The following LEMD3 variants were observed in gnomAD, a reference collection of about 807,000 sequenced individuals.
LEMD3 encodes the protein inner nuclear membrane protein Man1.
In LEMD3, 33 loss-of-function variants were observed where a neutral mutation model predicts 95.2. That is an observed-to-expected ratio of 0.35 (90% CI 0.26 to 0.46). The LOEUF (loss-of-function observed/expected upper bound fraction) is 0.46. LEMD3 is among the 20% of genes least tolerant of loss of function. LEMD3 has a pLI of 1.00. For synonymous variants in LEMD3, 525 were observed against 474.6 expected (o/e 1.11, Z -1.38); for missense variants, 1,210 against 1,192.8 (o/e 1.01, Z -0.21).
rs115202513 is a variant in LEMD3, at chr12:65,204,375, A to G, written c.1523-6551A>G. Among the ~76,000 whole-genome samples the G allele has an allele frequency of 2.8e-3, 431 of 151,980 alleles. 9 individuals are homozygous for G. The highest frequency in any genetic ancestry group is 9.7e-3 in the African/African-American group (401 of 41,458). On this transcript the variant is annotated intron_variant, in intron 1 of 12. Transcript: ENST00000308330. ...GTCCCAGTGTGGGTTTTTCCCCTCCATGTGCCTGTGTGTTCTCATCATTCA... is the reference window on the plus strand; with the variant it reads ...GTCCCAGTGTGGGTTTTTCCCCTCCGTGTGCCTGTGTGTTCTCATCATTCA...
At position 65,210,927 on chromosome 12, in the gene LEMD3, A is replaced by G. The variant is rs566688579; in HGVS notation, c.1524A>G (p.Ile508Met). ...TGVSEDGELSIENPFGETFGK... is the reference protein window; with the variant it reads ...TGVSEDGELSMENPFGETFGK... ...TGTCTTTTTTTCCTTCCTTGATAGT[A>G]GAAAACCCCTTTGGTGAAACATTTG... Residue 508 changes from isoleucine to methionine, a missense_variant and splice_region_variant, in exon 2 of 13, where the codon ATA becomes ATG. This residue lies in a region of LEMD3 where 461 missense variants were observed against 569.8 expected (regional missense o/e 0.81). Transcript: ENST00000308330. The G allele has an allele frequency of 4.4e-6, 7 of 1,592,354 alleles. No individual in the cohort carries two copies. In the East Asian group the frequency reaches 1.3e-4, roughly 31 times the overall value.
chr12:65,197,466 T>C (rs1373831430), intron 1 of LEMD3, among the ~76,000 whole-genome samples: 1 of 152,120 alleles, frequency 6.6e-6, no homozygotes, highest in Admixed American at 6.6e-5. Context: ...GGAAGCATGG[T>C]TTTTACTCTC....
chr12:65,213,722 C>T (rs967536798), intron 2 of LEMD3, among the ~76,000 whole-genome samples: 4 of 152,162 alleles, frequency 2.6e-5, no homozygotes, highest in South Asian at 4.2e-4. Flanking sequence ...AAAGTTTATT[C>T]GCAGGTCCCT....
At chr12:65,227,238 GTTTTC>G (rs1870477480) in intron 4 of LEMD3, among the ~76,000 whole-genome samples, 4 of 152,138 alleles carry the variant, frequency 2.6e-5, no homozygotes, top group Non-Finnish European at 5.9e-5. Flanking sequence ...AATTGAATGG[GTTTTC>G]ACTTCTAGTA....
Position 65,186,255 on chromosome 12 carries a change from G to T in LEMD3, c.1522+15137G>T, listed in dbSNP as rs541725483. On this transcript the variant is annotated intron_variant, in intron 1 of 12. Transcript: ENST00000308330. Reference sequence around the variant, plus strand: ...TACATTTTGCCCGTTGCTTTTTATTGTGAAGAGATACTTATTCATCTAAAT... The same window carrying T: ...TACATTTTGCCCGTTGCTTTTTATTTTGAAGAGATACTTATTCATCTAAAT... 5.9e-5 allele frequency among the ~76,000 whole-genome samples: 9 copies of T among 151,840 alleles called. No individual in the cohort carries two copies. In the South Asian group the frequency reaches 1.9e-3, roughly 32 times the overall value.
Position 65,170,262 on chromosome 12 carries a change from G to A in LEMD3, c.666G>A (p.Gly222=), listed in dbSNP as rs761371155. The A allele has an allele frequency of 3.5e-5, 54 of 1,561,216 alleles. No individual in the cohort carries two copies. The highest frequency in any genetic ancestry group is 4.1e-5 in the Non-Finnish European group (47 of 1,152,300). ...ATGGAGCAGTGGAGGACGAGGAAGG[G>A]GAGGGAGAGGACGGTGAGGAGAGGG... ...GKDGAVEDEE[G]EGEDGEERDP... Residue 222 remains glycine, a synonymous_variant, in exon 1 of 13, where the codon GGG becomes GGA. Transcript: ENST00000308330.
intron 1 of LEMD3, among the ~76,000 whole-genome samples, chr12:65,201,952 A>G (rs950985819): frequency 2.0e-5 from 3 of 148,034 alleles, no homozygotes; most frequent in Admixed American, 2.0e-4. Context: ...AGTTGAGGAA[A>G]TTCCCTTGTA....
chr12:65,240,489 C>T (rs1005264669), intron 8 of LEMD3: 5 of 487,698 alleles, frequency 1.0e-5, no homozygotes, highest in Non-Finnish European at 1.8e-5. Context: ...TGTTGTTAGT[C>T]TCCATCTTAT....
chr12:65,177,848 T>G (rs1868773567), intron 1 of LEMD3, among the ~76,000 whole-genome samples: 1 of 151,820 alleles, frequency 6.6e-6, no homozygotes, highest in Non-Finnish European at 1.5e-5. Flanking sequence ...TTCTTTTTTT[T>G]TTTTTTTCAA....
chr12:65,227,561 C>CTA (rs1487333778), intron 4 of LEMD3, among the ~76,000 whole-genome samples: 1 of 152,114 alleles, frequency 6.6e-6, no homozygotes, highest in Non-Finnish European at 1.5e-5. Context: ...GCATATCCTG[C>CTA]TATATACCTT....
chr12:65,197,589 C>G (rs1434552794), intron 1 of LEMD3, among the ~76,000 whole-genome samples: 1 of 152,094 alleles, frequency 6.6e-6, no homozygotes, highest in South Asian at 2.1e-4. Flanking sequence ...TGATGACATA[C>G]TTAAGTGTCT....
rs757257470 is a variant in LEMD3, at chr12:65,245,673, A to T, written c.2392A>T (p.Ile798Leu). Residue 798 changes from isoleucine (I) to leucine (L), a missense_variant, in exon 11 of 13, where the codon ATA becomes TTA. Ile to Leu is a conservative substitution (Grantham distance 5). This residue lies in a region of LEMD3 where 461 missense variants were observed against 569.8 expected (regional missense o/e 0.81). Coordinates refer to ENST00000308330, the MANE Select transcript of LEMD3 (RefSeq NM_014319.5). ...TTTGTTTTCATTAACTTTTAGGGAA[A>T]TAGGGGATCAGTGGCATTTGGCAAT... ...IRNMFDPVME[I>L]GDQWHLAIQE... 1 of 1,612,034 alleles carries T rather than the reference A, an allele frequency of 6.2e-7. No homozygotes were observed. The highest frequency in any genetic ancestry group is 1.7e-5 in the Admixed American group (1 of 60,012).
intron 9 of LEMD3, among the ~76,000 whole-genome samples, chr12:65,242,011 T>C (rs573334699): frequency 3.9e-5 from 6 of 152,330 alleles, no homozygotes; most frequent in Admixed American, 3.9e-4. Context: ...GCATGTCCTG[T>C]ACATGTATCC....
At position 65,240,961 on chromosome 12, in the gene LEMD3, G is replaced by A; in HGVS notation, c.2179G>A (p.Glu727Lys). The A allele has an allele frequency of 6.2e-7, 1 of 1,614,088 alleles. No homozygotes were observed. The highest frequency in any genetic ancestry group is 2.2e-5 in the East Asian group (1 of 44,870). ...DRAVDFLAAN[E>K]SRVRTETRRI... ...AGCTGTTGACTTCCTTGCTGCTAAT[G>A]AGTCTAGAGTTCGCACGGAAACACG... is the stretch of plus-strand genomic sequence containing the variant. The change falls in exon 9 of 13, where the codon GAG (glutamate) becomes AAG (lysine). Residue 727 changes from glutamate to lysine, a missense_variant. Physicochemically the swap from Glu to Lys is moderately conservative, Grantham distance 56. Transcript: ENST00000308330.
At chr12:65,188,948 A>ACC (rs1869152012) in intron 1 of LEMD3, among the ~76,000 whole-genome samples, 1 of 152,084 alleles carries the variant, frequency 6.6e-6, no homozygotes, top group African/African-American at 2.4e-5. Context: ...GTTCTTTCTT[A>ACC]CCCACAGGCA....
In LEMD3 at chr12:65,170,734, G is replaced by T. The variant is rs1181112680; in HGVS notation, c.1138G>T (p.Asp380Tyr). The change falls in exon 1 of 13, where the codon GAT becomes TAT. Residue 380 changes from aspartate (D) to tyrosine (Y), a missense_variant. This residue lies in a region of LEMD3 where 749 missense variants were observed against 622.9 expected (regional missense o/e 1.20). Coordinates refer to ENST00000308330, the MANE Select transcript of LEMD3 (RefSeq NM_014319.5). ...ACTTACTGACATGGACTCAACCTTG[G>T]ATTCGTCAACAGGCTCCCTTCTGAA... is the stretch of plus-strand genomic sequence containing the variant. Reference protein sequence around the residue: ...PPLTDMDSTLDSSTGSLLKTN... With the variant: ...PPLTDMDSTLYSSTGSLLKTN... 1 of 1,614,200 alleles carries T rather than the reference G, an allele frequency of 6.2e-7. No homozygotes were observed. Among genetic ancestry groups the T allele is most frequent in the South Asian group, 1.1e-5 (1 of 91,076 alleles).
In LEMD3 at chr12:65,248,071, C is replaced by A. The variant is rs984786236; in HGVS notation, c.*1746C>A. The A allele has an allele frequency of 6.6e-6, 1 of 152,418 alleles. No homozygotes were observed. Among genetic ancestry groups the A allele is most frequent in the Non-Finnish European group, 1.5e-5 (1 of 67,972 alleles). The allele number at this position is 152,418 out of a possible 1,614,324, so 9.4% of individuals were successfully genotyped here. A position where few individuals can be genotyped will look rare whatever the true frequency, so the allele number is the denominator to read the frequency against. ...AAATAGTTGTGGCATTTTAAAAGGT[C>A]GCCTTTGATGCAGATGCATCTTTTT... On this transcript the variant is annotated 3_prime_UTR_variant, in exon 13 of 13. Transcript: ENST00000308330.
chr12:65,201,071 T>C (rs149643240), intron 1 of LEMD3, among the ~76,000 whole-genome samples: 1 of 152,182 alleles, frequency 6.6e-6, no homozygotes, highest in Non-Finnish European at 1.5e-5. Flanking sequence ...TGCTCCATTA[T>C]ATTGCCTTTG....
At chr12:65,242,880 C>G (rs1051540367) in intron 9 of LEMD3, among the ~76,000 whole-genome samples, 1 of 152,122 alleles carries the variant, frequency 6.6e-6, no homozygotes, top group Non-Finnish European at 1.5e-5. Flanking sequence ...ACCATAATGC[C>G]CAAATACTTT....
Sources: allele counts gnomAD v4.1 joint callset (sites outside exome capture counted in the v4.1 genomes callset), GRCh38; gene constraint gnomAD v4.1.1; regional missense constraint gnomAD v4.1.1; transcripts MANE v1.5; gene names NCBI Gene and HGNC (gene_info 2026-07-23, HGNC 2026-07-21).